Variants in GAN observed in about 807,000 individuals in gnomAD.
GAN encodes the protein gigaxonin.
A neutral mutation model predicts 71.3 loss-of-function variants in GAN; 48 were observed. The observed-to-expected ratio is 0.67, with a 90% confidence interval of 0.53 to 0.86. The LOEUF (loss-of-function observed/expected upper bound fraction) is 0.86. GAN is among the 40% of genes least tolerant of loss of function. GAN has a pLI of 0.00. For synonymous variants in GAN, 386 were observed against 276.8 expected, an observed-to-expected ratio of 1.39 and a Z score of -3.92; for missense variants, 928 against 770.1, an observed-to-expected ratio of 1.21 and a Z score of -2.43.
chr16:81,315,003 G>A lies in GAN; in HGVS notation c.-111G>A, dbSNP rs12929567. Reference sequence around the variant, plus strand: ...TCCCGGGGGCTCCAGCTTCTGCTCAGAGCGCGGAGAGCCGGGCCGGGCGGG... The same window carrying A: ...TCCCGGGGGCTCCAGCTTCTGCTCAAAGCGCGGAGAGCCGGGCCGGGCGGG... On this transcript the variant is annotated 5_prime_UTR_variant, in exon 1 of 11. Coordinates refer to ENST00000648994, the MANE Select transcript of GAN (RefSeq NM_022041.4). 3.1e-4 allele frequency: 293 copies of A among 946,954 alleles called. 1 individual carries two copies. Among genetic ancestry groups the A allele is most frequent in the Non-Finnish European group, 4.1e-4 (285 of 697,590 alleles). 58.7% of individuals were successfully genotyped at this position (946,954 alleles called of 1,614,324 possible). A position where few individuals can be genotyped will look rare whatever the true frequency, so the allele number is the denominator to read the frequency against.
chr16:81,360,509 A>G (rs1043042449), intron 5 of GAN, among the ~76,000 whole-genome samples: 10 of 150,498 alleles, frequency 6.6e-5, no homozygotes, highest in African/African-American at 2.4e-4. Context: ...TTTCTTGATT[A>G]TTATCTTTTG....
chr16:81,390,803 G>T lies in GAN; in HGVS notation c.*13207G>T, dbSNP rs1904538214. On this transcript the variant is annotated 3_prime_UTR_variant, in exon 11 of 11. Coordinates refer to ENST00000648994, the MANE Select transcript of GAN (RefSeq NM_022041.4). ...TAACCTAATAAAATAATTTGATGGG[G>T]AAGGCATTCTAATTGTTTCTGATTT... 6.6e-6 allele frequency: 1 copy of T among 152,202 alleles called. No homozygotes were observed. The highest frequency in any genetic ancestry group is 2.4e-5 in the African/African-American group (1 of 41,434). The allele number at this position is 152,202 out of a possible 1,614,324, so 9.4% of individuals were successfully genotyped here.
chr16:81,321,856 T>C (rs138686238), intron 1 of GAN, among the ~76,000 whole-genome samples: 1 of 152,314 alleles, frequency 6.6e-6, no homozygotes, highest in East Asian at 1.9e-4. Context: ...GGTTGCGACC[T>C]TGCATTTGAG....
At chr16:81,357,745 A>G (rs913917703) in intron 4 of GAN, 65 bp from the exon 5 acceptor site, 6 of 1,425,246 alleles carry the variant, frequency 4.2e-6, no homozygotes, top group Non-Finnish European at 5.0e-6. Context: ...AAAACTAGTG[A>G]TGGCTACTTA....
intron 1 of GAN, 84 bp from the exon 2 acceptor site, chr16:81,351,499 T>A: frequency 1.4e-6 from 1 of 737,612 alleles, no homozygotes; most frequent in Non-Finnish European, 2.5e-6. Context: ...AAGTATCTTA[T>A]ACGTTATAGA....
At chr16:81,346,903 C>T (rs540378780) in intron 1 of GAN, among the ~76,000 whole-genome samples, 56 of 152,246 alleles carry the variant, frequency 3.7e-4, no homozygotes, top group East Asian at 1.9e-3. Flanking sequence ...AGCTTAACAT[C>T]GTGCTATTTG....
intron 2 of GAN, among the ~76,000 whole-genome samples, chr16:81,351,943 C>G (rs1051650293): frequency 1.3e-5 from 2 of 152,188 alleles, no homozygotes; most frequent in Non-Finnish European, 2.9e-5. Context: ...CCATTCTGAG[C>G]TCCACCTTCT....
chr16:81,362,875 C>T (rs958391589), intron 6 of GAN, among the ~76,000 whole-genome samples: 4 of 152,180 alleles, frequency 2.6e-5, no homozygotes, highest in Admixed American at 1.3e-4. Flanking sequence ...GCCAGCGTGG[C>T]CTGCCCCCTC....
At chr16:81,347,973 GT>G (rs1316556204) in intron 1 of GAN, among the ~76,000 whole-genome samples, 2 of 151,900 alleles carry the variant, frequency 1.3e-5, no homozygotes, top group Non-Finnish European at 2.9e-5. Flanking sequence ...TGATCTTCCA[GT>G]TTTCTTAACT....
chr16:81,320,370 T>C (rs1909186382), intron 1 of GAN, among the ~76,000 whole-genome samples: 1 of 152,224 alleles, frequency 6.6e-6, no homozygotes, highest in Non-Finnish European at 1.5e-5. Flanking sequence ...GTTGATTAAT[T>C]TATGTGAATA....
chr16:81,358,920 C>G (rs1426044688), intron 5 of GAN, among the ~76,000 whole-genome samples: 1 of 151,992 alleles, frequency 6.6e-6, no homozygotes, highest in Admixed American at 6.6e-5. Flanking sequence ...GTTTGCTTGC[C>G]CAGCAACATT....
rs1364926302 is a variant in GAN at position 81,384,165 on chromosome 16, A to G, written c.*6569A>G. ...AAACTCTGTTCTCAGCTACCTCATT[A>G]TGTAGTATTGTGCTTGATCCCCTGC... On this transcript the variant is annotated 3_prime_UTR_variant, in exon 11 of 11. Coordinates refer to ENST00000648994, the MANE Select transcript of GAN (RefSeq NM_022041.4). 1.3e-5 allele frequency: 2 copies of G among 152,110 alleles called. No individual in the cohort carries two copies. The highest frequency in any genetic ancestry group is 2.9e-5 in the Non-Finnish European group (2 of 68,026). 9.4% of individuals were successfully genotyped at this position (152,110 alleles called of 1,614,324 possible). A position where few individuals can be genotyped will look rare whatever the true frequency, so the allele number is the denominator to read the frequency against.
At chr16:81,328,582 G>A (rs4888138) in intron 1 of GAN, among the ~76,000 whole-genome samples, 140,468 of 152,050 alleles carry the variant, frequency 0.92, 64,974 homozygotes, top group Middle Eastern at 0.95. Context: ...GTTATTTGTT[G>A]TGTGAAGCCA....
chr16:81,386,076 C>T lies in GAN; in HGVS notation c.*8480C>T, dbSNP rs1168768214. On this transcript the variant is annotated 3_prime_UTR_variant, in exon 11 of 11. Coordinates refer to ENST00000648994, the MANE Select transcript of GAN (RefSeq NM_022041.4). ...TGATTTGCTTTCTAGACCCATATCA[C>T]CTCTCTCCATCTACATCTCTAGTAT... 6 of 152,088 alleles carry T rather than the reference C, an allele frequency of 3.9e-5. No homozygotes were observed. Among genetic ancestry groups the T allele is most frequent in the African/African-American group, 1.4e-4 (6 of 41,412 alleles). 9.4% of individuals were successfully genotyped at this position (152,088 alleles called of 1,614,324 possible). A position where few individuals can be genotyped will look rare whatever the true frequency, so the allele number is the denominator to read the frequency against.
At chr16:81,321,438 T>A (rs1909220588) in intron 1 of GAN, among the ~76,000 whole-genome samples, 1 of 152,232 alleles carries the variant, frequency 6.6e-6, no homozygotes, top group African/African-American at 2.4e-5. Flanking sequence ...TCTCCTTCAA[T>A]GTTCTTAAAT....
At position 81,377,882 on chromosome 16, in the gene GAN, T is replaced by A; in HGVS notation, c.*286T>A. 8.5e-6 allele frequency: 4 copies of A among 469,172 alleles called. 1 individual carries two copies. In the South Asian group the frequency reaches 9.9e-5, roughly 12 times the overall value. The allele number at this position is 469,172 out of a possible 1,614,324, so 29.1% of individuals were successfully genotyped here. ...TATCAAAAGGAAAAGGGAGTGGGAA[T>A]TGCTATCATGTAAAATATCAAAGTT... is the stretch of plus-strand genomic sequence containing the variant. On this transcript the variant is annotated 3_prime_UTR_variant, in exon 11 of 11. Coordinates refer to ENST00000648994, the MANE Select transcript of GAN (RefSeq NM_022041.4).
rs1327294981 is a variant in GAN, at chr16:81,389,962, CTG to C, written c.*12370_*12371del. The C allele has an allele frequency of 2.0e-5, 3 of 152,108 alleles. No individual in the cohort carries two copies. The East Asian group carries it at 5.8e-4, about 29-fold the overall frequency. 9.4% of individuals were successfully genotyped at this position (152,108 alleles called of 1,614,324 possible). ...TACCACACCAATCTGTTGAACATAT[CTG>C]TGTTTTCTGACATGGGACCTGCAGA... On this transcript the variant is annotated 3_prime_UTR_variant, in exon 11 of 11. Transcript: ENST00000648994.
chr16:81,338,030 A>G (rs1006508351), intron 1 of GAN, among the ~76,000 whole-genome samples: 3 of 152,196 alleles, frequency 2.0e-5, no homozygotes, highest in Admixed American at 1.3e-4. Context: ...GATGGAAGAG[A>G]TTGCAAATCA....
intron 1 of GAN, among the ~76,000 whole-genome samples, chr16:81,324,048 G>A (rs1407952281): frequency 6.6e-6 from 1 of 152,174 alleles, no homozygotes; most frequent in Non-Finnish European, 1.5e-5. Context: ...TCAAGAATGA[G>A]CAGAGAATAG....
Sources: gnomAD v4.1 joint callset for allele counts (sites outside exome capture counted in the v4.1 genomes callset) on GRCh38, gnomAD v4.1.1 for gene constraint, MANE v1.5 for transcripts, NCBI Gene and HGNC (gene_info 2026-07-23, HGNC 2026-07-21) for gene names.